Variants in FRMD4B observed in about 807,000 individuals in gnomAD.
FRMD4B encodes FERM domain containing 4B.
In FRMD4B, 74 loss-of-function variants were observed where a neutral mutation model predicts 141.5. The observed-to-expected ratio is 0.52, with a 90% CI of 0.43 to 0.63. The LOEUF is 0.63. Ranked by LOEUF, FRMD4B falls within the 30% of genes least tolerant of loss-of-function variation. The probability of loss-of-function intolerance (pLI) is 0.00; values close to 1 mark genes in which losing one functional copy is unlikely to be tolerated. For synonymous variants in FRMD4B, 506 were observed against 467.9 expected (o/e 1.08, Z -1.05); for missense variants, 1,366 against 1,253.4 (o/e 1.09, Z -1.36).
chr3:69,464,634 G>C (rs758708010), intron 1 of FRMD4B, among the ~76,000 whole-genome samples: 1 of 152,158 alleles, frequency 6.6e-6, no homozygotes, highest in Admixed American at 6.5e-5. Context: ...GACAGAATTA[G>C]AATATCACTA....
chr3:69,256,563 G>A (rs540515789), intron 5 of FRMD4B, among the ~76,000 whole-genome samples: 21 of 152,198 alleles, frequency 1.4e-4, no homozygotes, highest in South Asian at 6.2e-4. Flanking sequence ...CAAGTGATTC[G>A]CCTGCCTTGG....
At chr3:69,274,803 G>C (rs1003532039) in intron 5 of FRMD4B, among the ~76,000 whole-genome samples, 1 of 152,154 alleles carries the variant, frequency 6.6e-6, no homozygotes, top group South Asian at 2.1e-4. Flanking sequence ...ACAGGCATGA[G>C]CCACTGCACC....
chr3:69,212,021 T>A, intron 11 of FRMD4B, among the ~76,000 whole-genome samples: 1 of 88,596 alleles, frequency 1.1e-5, no homozygotes. Flanking sequence ...TGGCACAGAG[T>A]AGACACCCCC....
upstream of FRMD4B, among the ~76,000 whole-genome samples, chr3:69,390,708 C>T (rs1258136954): frequency 6.6e-6 from 1 of 152,058 alleles, no homozygotes; most frequent in Non-Finnish European, 1.5e-5. Context: ...ACCTGGCCAA[C>T]ATGACAAAAC....
chr3:69,322,176 C>T (rs1440137420), intron 1 of FRMD4B, among the ~76,000 whole-genome samples: 3 of 152,104 alleles, frequency 2.0e-5, no homozygotes, highest in South Asian at 4.1e-4. Flanking sequence ...AACTGGAGAG[C>T]GGGAGAAGGA....
chr3:69,484,910 C>T (rs1024832117), intron 1 of FRMD4B, among the ~76,000 whole-genome samples: 7 of 152,120 alleles, frequency 4.6e-5, no homozygotes. Flanking sequence ...GTTCTCCCTC[C>T]AGTAGGCAGG....
At chr3:69,246,444 T>C (rs952619451) in intron 7 of FRMD4B, among the ~76,000 whole-genome samples, 5 of 151,902 alleles carry the variant, frequency 3.3e-5, no homozygotes, top group Admixed American at 2.6e-4. Flanking sequence ...GAGAGAACAA[T>C]GCTCTATCTC....
chr3:69,446,975 C>T (rs1575805186), intron 1 of FRMD4B, among the ~76,000 whole-genome samples: 2 of 152,140 alleles, frequency 1.3e-5, no homozygotes, highest in South Asian at 2.1e-4. Context: ...ACATGTCACA[C>T]AGATTGAAGC....
intron 1 of FRMD4B, among the ~76,000 whole-genome samples, chr3:69,376,291 C>T (rs976733326): frequency 6.6e-6 from 1 of 152,066 alleles, no homozygotes; most frequent in African/African-American, 2.4e-5. Flanking sequence ...TGTAAGATGC[C>T]TTAAACAGTG....
At chr3:69,202,922 CAGG>C (rs554160343) in intron 11 of FRMD4B, among the ~76,000 whole-genome samples, 70 of 151,934 alleles carry the variant, frequency 4.6e-4, no homozygotes, top group African/African-American at 1.6e-3. Context: ...GAAATTACAA[CAGG>C]AGGAGAATAT....
intron 1 of FRMD4B, among the ~76,000 whole-genome samples, chr3:69,382,222 T>G (rs930610902): frequency 1.1e-4 from 16 of 152,342 alleles, no homozygotes; most frequent in Middle Eastern, 3.4e-3. Flanking sequence ...GTATTTTTAG[T>G]AGAGATGGCG....
chr3:69,348,164 C>T (rs1456075231), intron 1 of FRMD4B, among the ~76,000 whole-genome samples: 1 of 152,090 alleles, frequency 6.6e-6, no homozygotes, highest in Non-Finnish European at 1.5e-5. Flanking sequence ...ACCATCGATC[C>T]CACAGAAATA....
chr3:69,233,751 T>C (rs2093326959), intron 7 of FRMD4B, among the ~76,000 whole-genome samples: 1 of 152,158 alleles, frequency 6.6e-6, no homozygotes. Context: ...TATTTAGTAC[T>C]GTGTCCCAGG....
intron 1 of FRMD4B, among the ~76,000 whole-genome samples, chr3:69,490,880 A>C (rs946524584): frequency 5.3e-5 from 8 of 152,112 alleles, no homozygotes; most frequent in African/African-American, 1.9e-4. Context: ...TAGGATGAAA[A>C]AGAATGAAGC....
chr3:69,442,542 CA>C (rs1444221943), intron 1 of FRMD4B, among the ~76,000 whole-genome samples: 1 of 151,892 alleles, frequency 6.6e-6, no homozygotes, highest in Non-Finnish European at 1.5e-5. Context: ...ATAGGTAGTC[CA>C]AAAACCACTT....
At position 69,240,310 on chromosome 3, in the gene FRMD4B, T is replaced by C. The variant is rs576225527; in HGVS notation, c.581+8916A>G. Reference sequence around the variant, plus strand: ...TTCTGGCTAACATGGTGAAAACCCATCTCTACTAAAAATACAAAAAATTAG... The same window carrying C: ...TTCTGGCTAACATGGTGAAAACCCACCTCTACTAAAAATACAAAAAATTAG... On this transcript the variant is annotated intron_variant, in intron 7 of 22. Coordinates refer to ENST00000398540, the MANE Select transcript of FRMD4B (RefSeq NM_015123.3). Among the ~76,000 whole-genome samples the C allele has an allele frequency of 2.6e-5, 4 of 151,520 alleles. No individual in the cohort carries two copies. In the South Asian group the frequency reaches 6.3e-4, roughly 24 times the overall value.
At chr3:69,369,663 C>G (rs1703770151) in intron 1 of FRMD4B, among the ~76,000 whole-genome samples, 1 of 152,102 alleles carries the variant, frequency 6.6e-6, no homozygotes, top group Admixed American at 6.6e-5. Context: ...ATGAGCTCGG[C>G]TGGAACTATA....
intron 11 of FRMD4B, among the ~76,000 whole-genome samples, chr3:69,208,484 C>G (rs1243240025): frequency 6.7e-6 from 1 of 148,248 alleles, no homozygotes; most frequent in Non-Finnish European, 1.5e-5. Context: ...ATAGGCTGAG[C>G]CACTGCAACC....
chr3:69,289,805 T>C (rs1420355995), intron 4 of FRMD4B, among the ~76,000 whole-genome samples: 1 of 151,730 alleles, frequency 6.6e-6, no homozygotes, highest in Non-Finnish European at 1.5e-5. Context: ...GTCTCAAAAA[T>C]AAAACAAAAC....
Sources: allele counts gnomAD v4.1 joint callset (sites outside exome capture counted in the v4.1 genomes callset), GRCh38; gene constraint gnomAD v4.1.1; transcripts MANE v1.5; gene names NCBI Gene and HGNC (gene_info 2026-07-23, HGNC 2026-07-21).